The following FBXL6 variants were observed in gnomAD, a reference collection of about 807,000 sequenced individuals.
FBXL6 encodes F-box and leucine rich repeat protein 6.
FBXL6 carries 50 observed loss-of-function variants against 53.3 expected under a neutral mutation model. The observed-to-expected ratio is 0.94, with a 90% CI of 0.75 to 1.19. The LOEUF (loss-of-function observed/expected upper bound fraction) is 1.19. Ranked by LOEUF, FBXL6 falls within the 50% of genes most tolerant of loss-of-function variation. The pLI, the probability that FBXL6 is intolerant of heterozygous loss-of-function variation, is 0.00. For missense variants in FBXL6, 815 were observed against 719.0 expected (o/e 1.13, Z -1.53); for synonymous variants, 405 against 322.9 (o/e 1.25, Z -2.73).
intron 3 of FBXL6, 38 bp downstream of exon 3, chr8:144,357,401 T>G (rs1554853091): frequency 1.3e-6 from 2 of 1,590,920 alleles, no homozygotes; most frequent in South Asian, 2.3e-5. Flanking sequence ...AGTCCCAGAG[T>G]GTCACAGCTG....
chr8:144,356,151 C>A lies in FBXL6; in HGVS notation c.1289G>T (p.Gly430Val). Residue 430 changes from glycine (G) to valine (V), a missense_variant, in exon 8 of 9, where the codon GGC (glycine) becomes GTC (valine). Gly to Val is a moderately radical substitution (Grantham distance 109). Transcript: ENST00000331890. ...CCACTTCTGGGTCAAAAAGGGGCTG[C>A]CCTCCTTGGCTAGAGTCAGCCGGTC... ...TSDRLTLAKE[G>V]SPFLTQKWCH... The A allele has an allele frequency of 6.2e-7, 1 of 1,612,964 alleles. No individual in the cohort carries two copies. Among genetic ancestry groups the A allele is most frequent in the Non-Finnish European group, 8.5e-7 (1 of 1,180,034 alleles).
intron 8 of FBXL6, 123 bp downstream of exon 8, chr8:144,355,845 G>C (rs1818377236): frequency 1.3e-6 from 2 of 1,541,444 alleles, no homozygotes; most frequent in Admixed American, 1.8e-5. Context: ...GCAGGGGCTT[G>C]GACAGTATGC....
In FBXL6 at chr8:144,357,473, A is replaced by C; in HGVS notation, c.605T>G (p.Ile202Ser). 1 of 1,613,322 alleles carries C rather than the reference A, an allele frequency of 6.2e-7. No homozygotes were observed. The highest frequency in any genetic ancestry group is 1.1e-5 in the South Asian group (1 of 91,026). ...GGGGTGTACCTGAGACTTCCAGTGG[A>C]TGAGGGTCAGCCTCTGGAGCTGTGA... is the stretch of plus-strand genomic sequence containing the variant. ...RFSQLQRLTL[I>S]HWKSQVHPVL... The change falls in exon 3 of 9, where the codon ATC (isoleucine) becomes AGC (serine). Residue 202 changes from isoleucine to serine, a missense_variant. Physicochemically the swap from Ile to Ser is moderately radical, Grantham distance 142. Coordinates refer to ENST00000331890, the MANE Select transcript of FBXL6 (RefSeq NM_012162.4).
In FBXL6 at chr8:144,355,540, T is replaced by C. The variant is rs782397152; in HGVS notation, c.1611A>G (p.Ser537=). The change falls in exon 9 of 9, where the codon TCA becomes TCG. Residue 537 remains serine (S), a synonymous_variant. Coordinates refer to ENST00000331890, the MANE Select transcript of FBXL6 (RefSeq NM_012162.4). ...CCAGGTCTGTGGCTGCCTAGCTGGG[T>C]GAGGGGCTGGTGAGCAGCTGCTCCA... ...WCLEQLLTSP[S]PS is the part of the protein sequence containing the mutation. 1.8e-5 allele frequency: 29 copies of C among 1,609,146 alleles called. No homozygotes were observed. In the South Asian group the frequency reaches 3.1e-4, roughly 17 times the overall value.
rs782688782 is a variant in FBXL6, at chr8:144,356,689, C to T, written c.904G>A (p.Val302Ile). Residue 302 changes from valine to isoleucine, a missense_variant, in exon 6 of 9, where the codon GTC becomes ATC. Coordinates refer to ENST00000331890, the MANE Select transcript of FBXL6 (RefSeq NM_012162.4). ...LLGSCCPQLQ[V>I]LEVSTGINRN... ...TTGATGCCGGTGCTCACCTCCAGGA[C>T]CTGGAGCTGGGGGCAGCAGCTGCCC... The T allele has an allele frequency of 3.7e-6, 6 of 1,612,466 alleles. No homozygotes were observed. In the Admixed American group the frequency reaches 5.0e-5, roughly 13 times the overall value.
At chr8:144,357,252 C>G in intron 3 of FBXL6, 131 bp from the exon 4 acceptor site, 1 of 1,365,442 alleles carries the variant, frequency 7.3e-7, no homozygotes. Context: ...CCATGCCAGG[C>G]CTACTTGGGT....
Position 144,358,097 on chromosome 8 carries a change from C to G in FBXL6, c.351G>C (p.Leu117Phe). ...ACCCGAAAATCTGCACCAGGATTTC[C>G]AAGGGAATGCGGTCTCCCCAGCCCG... ...PDAGWGDRIP[L>F]EILVQIFGLL... The change falls in exon 1 of 9, where the codon TTG becomes TTC. Residue 117 changes from leucine (L) to phenylalanine (F), a missense_variant. By Grantham distance (22) the Leu-to-Phe change is conservative (BLOSUM62 0). Coordinates refer to ENST00000331890, the MANE Select transcript of FBXL6 (RefSeq NM_012162.4). 6.3e-7 allele frequency: 1 copy of G among 1,597,920 alleles called. No homozygotes were observed. Among genetic ancestry groups the G allele is most frequent in the South Asian group, 1.1e-5 (1 of 90,664 alleles).
chr8:144,356,163 A>G lies in FBXL6; in HGVS notation c.1277T>C (p.Leu426Pro). 6.2e-7 allele frequency: 1 copy of G among 1,612,960 alleles called. No individual in the cohort carries two copies. Among genetic ancestry groups the G allele is most frequent in the Non-Finnish European group, 8.5e-7 (1 of 1,180,020 alleles). Residue 426 changes from leucine to proline, a missense_variant, in exon 8 of 9, where the codon CTA (leucine) becomes CCA (proline). By Grantham distance (98) the Leu-to-Pro change is moderately conservative. Coordinates refer to ENST00000331890, the MANE Select transcript of FBXL6 (RefSeq NM_012162.4). The stretch of plus-strand genomic sequence containing the variant: ...CAAAAAGGGGCTGCCCTCCTTGGCT[A>G]GAGTCAGCCGGTCTGACGTGCCATA... ...GLYGTSDRLT[L>P]AKEGSPFLTQ...
Position 144,356,039 on chromosome 8 carries a change from G to T in FBXL6, c.1401C>A (p.Thr467=), listed in dbSNP as rs782773201. The T allele has an allele frequency of 1.9e-5, 31 of 1,612,922 alleles. No individual in the cohort carries two copies. In the Admixed American group the frequency reaches 5.2e-4, roughly 27 times the overall value. Reference sequence around the variant, plus strand: ...ACAGGGCTGGGTGTGAGCCCCCAGGGGTGCTTAAGAAGGCAGCCAGGGCCT... The same window carrying T: ...ACAGGGCTGGGTGTGAGCCCCCAGGTGTGCTTAAGAAGGCAGCCAGGGCCT... The part of the protein sequence containing the change: ...LEQALAAFLS[T]PGGSHPALCS... Residue 467 remains threonine (T), a synonymous_variant, in exon 8 of 9, where the codon ACC becomes ACA. Coordinates refer to ENST00000331890, the MANE Select transcript of FBXL6 (RefSeq NM_012162.4).
intron 1 of FBXL6, 94 bp downstream of exon 1, chr8:144,357,938 G>C (rs1818542173): frequency 6.9e-7 from 1 of 1,457,548 alleles, no homozygotes; most frequent in Non-Finnish European, 9.0e-7. Flanking sequence ...TGCGCGCTCC[G>C]ATGCTTTCGC....
At position 144,357,721 on chromosome 8, in the gene FBXL6, G is replaced by T. The variant is rs1554853221; in HGVS notation, c.482C>A (p.Thr161Asn). ...CCGGCCGACCAGCGGGGACGACAGG[G>T]TCACGGTGTGCCAGAGCGCGGGTTG... Reference protein sequence around the residue: ...ASQPALWHTVTLSSPLVGRPA... With the variant: ...ASQPALWHTVNLSSPLVGRPA... The change falls in exon 2 of 9, where the codon ACC becomes AAC. Residue 161 changes from threonine (T) to asparagine (N), a missense_variant. Physicochemically the swap from Thr to Asn is moderately conservative, Grantham distance 65. Transcript: ENST00000331890. The T allele has an allele frequency of 1.2e-6, 2 of 1,608,096 alleles. No individual in the cohort carries two copies. Among genetic ancestry groups the T allele is most frequent in the Admixed American group, 3.4e-5 (2 of 59,618 alleles).
chr8:144,355,475 T>C lies in FBXL6; in HGVS notation c.*56A>G, dbSNP rs1818355892. ...TAACAAAATGCTCAAATATCTGAAA[T>C]TGGGCAAAGGTGGAGGGTGGGCAAG... On this transcript the variant is annotated 3_prime_UTR_variant, in exon 9 of 9. Coordinates refer to ENST00000331890, the MANE Select transcript of FBXL6 (RefSeq NM_012162.4). 3 of 1,578,590 alleles carry C rather than the reference T, an allele frequency of 1.9e-6. No individual in the cohort carries two copies. The African/African-American group carries it at 4.1e-5, about 21-fold the overall frequency.
chr8:144,357,279 C>A (rs1818499046), intron 3 of FBXL6, 158 bp from the exon 4 acceptor site: 1 of 1,258,974 alleles, frequency 7.9e-7, no homozygotes. Flanking sequence ...GCCTCTGATA[C>A]CTCCCTGCTG....
At chr8:144,355,845 G>T in intron 8 of FBXL6, 123 bp downstream of exon 8, 1 of 1,541,560 alleles carries the variant, frequency 6.5e-7, no homozygotes, top group Non-Finnish European at 8.8e-7. Flanking sequence ...GCAGGGGCTT[G>T]GACAGTATGC....
chr8:144,356,632 C>T lies in FBXL6; in HGVS notation c.961G>A (p.Glu321Lys), dbSNP rs782141205. 6 of 1,612,812 alleles carry T rather than the reference C, an allele frequency of 3.7e-6. No homozygotes were observed. Among genetic ancestry groups the T allele is most frequent in the Non-Finnish European group, 5.1e-6 (6 of 1,179,980 alleles). Residue 321 changes from glutamate to lysine, a missense_variant, in exon 6 of 9, where the codon GAG (glutamate) becomes AAG (lysine). Transcript: ENST00000331890. ...TGAGGGCAGCCTTTCTGCAGAGCCT[C>T]GACAGGCAGCTGAAGGGGAATGCTA... ...RNSIPLQLPV[E>K]ALQKGCPQLQ...
Position 144,356,142 on chromosome 8 carries a change from A to T in FBXL6, c.1298T>A (p.Phe433Tyr). Residue 433 changes from phenylalanine to tyrosine, a missense_variant, in exon 8 of 9, where the codon TTT (phenylalanine) becomes TAT (tyrosine). Transcript: ENST00000331890. ...RLTLAKEGSP[F>Y]LTQKWCHTLR... The stretch of plus-strand genomic sequence containing the variant: ...TGTATGGCACCACTTCTGGGTCAAA[A>T]AGGGGCTGCCCTCCTTGGCTAGAGT... 4 of 1,612,984 alleles carry T rather than the reference A, an allele frequency of 2.5e-6. No homozygotes were observed. The highest frequency in any genetic ancestry group is 3.4e-6 in the Non-Finnish European group (4 of 1,180,020).
chr8:144,356,487 T>A lies in FBXL6; in HGVS notation c.1038A>T (p.Gly346=), dbSNP rs782475836. ...LNLMWLPKPP[G]RGVAPGPGFP... is the part of the protein sequence containing the mutation. Reference sequence around the variant, plus strand: ...AGCCTGGTCCGGGAGCCACCCCTCGTCCCGGAGGCTTGGGCAGCCACATCA... The same window carrying A: ...AGCCTGGTCCGGGAGCCACCCCTCGACCCGGAGGCTTGGGCAGCCACATCA... Residue 346 remains glycine (G), a synonymous_variant, in exon 7 of 9, where the codon GGA becomes GGT. Transcript: ENST00000331890. 11 of 1,612,758 alleles carry A rather than the reference T, an allele frequency of 6.8e-6. No homozygotes were observed. The South Asian group carries it at 1.2e-4, about 18-fold the overall frequency.
chr8:144,357,616 G>T lies in FBXL6; in HGVS notation c.575+12C>A. ...CTGGAGCCAGGGGTAAGGAAGAGAG[G>T]GAACCCCTCACCGATTGGGCATAAG... On this transcript the variant is annotated intron_variant, in intron 2 of 8. Coordinates refer to ENST00000331890, the MANE Select transcript of FBXL6 (RefSeq NM_012162.4). 6.2e-7 allele frequency: 1 copy of T among 1,605,248 alleles called. No individual in the cohort carries two copies. The highest frequency in any genetic ancestry group is 8.5e-7 in the Non-Finnish European group (1 of 1,174,308).
Position 144,358,453 on chromosome 8 carries a change from C to T in FBXL6, c.-6G>A, listed in dbSNP as rs1392098181. 8.1e-6 allele frequency: 10 copies of T among 1,239,298 alleles called. No homozygotes were observed. Among genetic ancestry groups the T allele is most frequent in the Non-Finnish European group, 8.1e-6 (8 of 991,842 alleles). The allele number at this position is 1,239,298 out of a possible 1,614,324, so 76.8% of individuals were successfully genotyped here. A position where few individuals can be genotyped will look rare whatever the true frequency, so the allele number is the denominator to read the frequency against. On this transcript the variant is annotated 5_prime_UTR_variant, in exon 1 of 9. The change creates a new upstream start codon in the 5' untranslated region. Coordinates refer to ENST00000331890, the MANE Select transcript of FBXL6 (RefSeq NM_012162.4). ...CGGGAGGCTGGGGCAGCCATGACCACCGACGGCGCTCGGGGAAGCCCCAGG... is the reference window on the plus strand; with the variant it reads ...CGGGAGGCTGGGGCAGCCATGACCATCGACGGCGCTCGGGGAAGCCCCAGG...
Sources: allele counts gnomAD v4.1 joint callset, GRCh38; gene constraint gnomAD v4.1.1; transcripts MANE v1.5; gene names NCBI Gene and HGNC (gene_info 2026-07-23, HGNC 2026-07-21).